URB1: variants seen among roughly 807,000 people sequenced by gnomAD.
The protein encoded by URB1 is URB1 ribosome biogenesis factor, also known as nucleolar pre-ribosomal-associated protein 1.
A neutral mutation model predicts 242.3 loss-of-function variants in URB1; 197 were observed. The observed-to-expected ratio is 0.81, with a 90% confidence interval of 0.72 to 0.91. URB1 has a LOEUF of 0.91. URB1 is among the 40% of genes least tolerant of loss of function. The probability of loss-of-function intolerance (pLI) is 0.00; values close to 1 mark genes in which losing one functional copy is unlikely to be tolerated. For missense variants in URB1, 2,721 were observed against 2,860.5 expected (o/e 0.95, Z 1.11); for synonymous variants, 1,153 against 1,201.8 (o/e 0.96, Z 0.84).
At chr21:32,339,246 G>A (rs1322584930) in intron 25 of URB1, among the ~76,000 whole-genome samples, 5 of 152,142 alleles carry the variant, frequency 3.3e-5, no homozygotes. Context: ...TGCCCACCTC[G>A]GCCTCCCAAA....
rs764897258 is a variant in URB1, at chr21:32,311,637, T to C, written c.*3281A>G. 4 of 1,603,346 alleles carry C rather than the reference T, an allele frequency of 2.5e-6. No individual in the cohort carries two copies. The highest frequency in any genetic ancestry group is 3.4e-6 in the Non-Finnish European group (4 of 1,174,932). On this transcript the variant is annotated 3_prime_UTR_variant, in exon 39 of 39. Coordinates refer to ENST00000382751, the MANE Select transcript of URB1 (RefSeq NM_014825.3). ...CCCCCCAGCCCCACAGTATGGACTG[T>C]TCTGCAGCAACTATGATGCCTGCCT...
Position 32,316,876 on chromosome 21 carries a change from G to C in URB1, c.6224C>G (p.Pro2075Arg), listed in dbSNP as rs1294139941. ...GGCTGAGTCCACAGGCTCCTGAGTG[G>C]GGTCAGGACCAGGGATCACTGGTCT... ...YWRPVIPGPDPTQEPVDSASP... is the reference protein window; with the variant it reads ...YWRPVIPGPDRTQEPVDSASP... Residue 2075 changes from proline to arginine, a missense_variant, in exon 38 of 39, where the codon CCC becomes CGC. Coordinates refer to ENST00000382751, the MANE Select transcript of URB1 (RefSeq NM_014825.3). The C allele has an allele frequency of 6.4e-7, 1 of 1,551,346 alleles. No individual in the cohort carries two copies. The highest frequency in any genetic ancestry group is 8.7e-7 in the Non-Finnish European group (1 of 1,146,874).
At chr21:32,319,932 TTG>T (rs2032744282) in intron 35 of URB1, among the ~76,000 whole-genome samples, 1 of 152,224 alleles carries the variant, frequency 6.6e-6, no homozygotes, top group Admixed American at 6.5e-5. Context: ...AGTTAGTTCT[TTG>T]TAAGACAGAG....
chr21:32,363,009 A>G (rs2033306013), intron 11 of URB1, 147 bp downstream of exon 11: 4 of 999,532 alleles, frequency 4.0e-6, no homozygotes, highest in Non-Finnish European at 1.4e-6. Context: ...GCTGACCCTC[A>G]GCACCCACGC....
chr21:32,347,304 G>A lies in URB1; in HGVS notation c.3520C>T (p.Leu1174Phe). The change falls in exon 22 of 39, where the codon CTC (leucine) becomes TTC (phenylalanine). Residue 1174 changes from leucine (L) to phenylalanine (F), a missense_variant. Transcript: ENST00000382751. ...CTCACATACTCGGAGGACCACAGGA[G>A]CTCACCACTCTGCAGCTGATCCTGG... ...SPQDQLQSGE[L>F]LWSSEYVRGL... 6.4e-7 allele frequency: 1 copy of A among 1,551,186 alleles called. No individual in the cohort carries two copies. The highest frequency in any genetic ancestry group is 8.7e-7 in the Non-Finnish European group (1 of 1,146,996).
At position 32,355,585 on chromosome 21, in the gene URB1, G is replaced by A. The variant is rs1393033941; in HGVS notation, c.1990-20C>T. On this transcript the variant is annotated intron_variant, in intron 15 of 38. Transcript: ENST00000382751. The stretch of plus-strand genomic sequence containing the variant: ...CAGAATCTGCCAGGAAGTAGGCACC[G>A]GTGAAAAAGTCAGAACAGAACGCGC... 16 of 1,538,906 alleles carry A rather than the reference G, an allele frequency of 1.0e-5. No homozygotes were observed. The highest frequency in any genetic ancestry group is 5.9e-5 in the Admixed American group (3 of 50,964).
At position 32,316,584 on chromosome 21, in the gene URB1, C is replaced by A. The variant is rs1237725852; in HGVS notation, c.6516G>T (p.Leu2172=). The A allele has an allele frequency of 1.9e-6, 3 of 1,551,326 alleles. No individual in the cohort carries two copies. Among genetic ancestry groups the A allele is most frequent in the Non-Finnish European group, 2.6e-6 (3 of 1,146,954 alleles). ...LAGPVQEVAC[L]FNTVMLQLVA... ...CCAGCTGCAGCATGACCGTATTGAA[C>A]AGGCAGGCCACCTCCTGCACAGGCC... Residue 2172 remains leucine (L), a synonymous_variant, in exon 38 of 39, where the codon CTG becomes CTT. Coordinates refer to ENST00000382751, the MANE Select transcript of URB1 (RefSeq NM_014825.3).
chr21:32,329,563 C>G (rs1568811370), intron 30 of URB1, among the ~76,000 whole-genome samples: 2 of 152,320 alleles, frequency 1.3e-5, no homozygotes, highest in East Asian at 3.9e-4. Context: ...GTGGAAAAAG[C>G]ATTTGTCACT....
intron 5 of URB1, among the ~76,000 whole-genome samples, chr21:32,376,546 C>T (rs1192378824): frequency 1.4e-5 from 2 of 138,998 alleles, no homozygotes; most frequent in Non-Finnish European, 3.3e-5. Flanking sequence ...ATTCATGCTA[C>T]TCTATTTGAG....
At chr21:32,354,544 T>C (rs1392271753) in intron 17 of URB1, among the ~76,000 whole-genome samples, 2 of 152,206 alleles carry the variant, frequency 1.3e-5, no homozygotes, top group Non-Finnish European at 2.9e-5. Flanking sequence ...AGCCGCTTTA[T>C]CTCTATATAA....
chr21:32,311,363 A>C lies in URB1; in HGVS notation c.*3555T>G. ...TTGGGCTATGGATATAAAATGAACT[A>C]CACTCAGATACAGCGCTGGATGGGA... On this transcript the variant is annotated 3_prime_UTR_variant, in exon 39 of 39. Coordinates refer to ENST00000382751, the MANE Select transcript of URB1 (RefSeq NM_014825.3). 1 of 369,416 alleles carries C rather than the reference A, an allele frequency of 2.7e-6. No homozygotes were observed. Among genetic ancestry groups the C allele is most frequent in the Non-Finnish European group, 5.0e-6 (1 of 201,942 alleles). The allele number at this position is 369,416 out of a possible 1,614,324, so 22.9% of individuals were successfully genotyped here.
In URB1 at chr21:32,312,184, T is replaced by A; in HGVS notation, c.*2734A>T. On this transcript the variant is annotated 3_prime_UTR_variant, in exon 39 of 39. Transcript: ENST00000382751. ...AGTGGCCCCTCGAGTGCAGAGGTCA[T>A]CCCAGGTGTTGCTGAGTTTATTGAG... is the stretch of plus-strand genomic sequence containing the variant. 6.7e-7 allele frequency: 1 copy of A among 1,499,446 alleles called. No homozygotes were observed. Among genetic ancestry groups the A allele is most frequent in the East Asian group, 2.5e-5 (1 of 40,542 alleles). The allele number at this position is 1,499,446 out of a possible 1,614,324, so 92.9% of individuals were successfully genotyped here.
At chr21:32,391,329 G>A (rs958185094) in intron 1 of URB1, among the ~76,000 whole-genome samples, 2 of 151,380 alleles carry the variant, frequency 1.3e-5, no homozygotes, top group Non-Finnish European at 2.9e-5. Context: ...GTAACAAAGG[G>A]GCACGTTGTG....
At chr21:32,347,967 C>A (rs28500645) in intron 21 of URB1, among the ~76,000 whole-genome samples, 156 bp from the exon 22 acceptor site, 24,837 of 152,242 alleles carry the variant, frequency 0.16, 2,562 homozygotes, top group African/African-American at 0.29. Flanking sequence ...TTCCATGCCC[C>A]CCTCGGGGTG....
chr21:32,318,342 C>A (rs1379813602), intron 36 of URB1, among the ~76,000 whole-genome samples: 1 of 152,106 alleles, frequency 6.6e-6, no homozygotes, highest in Non-Finnish European at 1.5e-5. Context: ...AACCTGATGA[C>A]CACCAGGAGG....
intron 13 of URB1, among the ~76,000 whole-genome samples, chr21:32,360,540 A>G (rs773346186): frequency 6.6e-6 from 1 of 152,242 alleles, no homozygotes; most frequent in Non-Finnish European, 1.5e-5. Flanking sequence ...GACAAACTTT[A>G]CCATCCAGGA....
At chr21:32,375,818 C>T (rs1392742316) in intron 5 of URB1, among the ~76,000 whole-genome samples, 2 of 151,908 alleles carry the variant, frequency 1.3e-5, no homozygotes, top group Non-Finnish European at 2.9e-5. Flanking sequence ...TGGTGGTGCG[C>T]ACCTGTAGTC....
intron 15 of URB1, among the ~76,000 whole-genome samples, chr21:32,356,032 A>G (rs1216644967): frequency 6.6e-6 from 1 of 152,210 alleles, no homozygotes; most frequent in Non-Finnish European, 1.5e-5. Context: ...GTCTTTCAAC[A>G]TAACATCCCC....
intron 2 of URB1, among the ~76,000 whole-genome samples, chr21:32,384,929 C>A (rs1423311485): frequency 6.6e-6 from 1 of 151,828 alleles, no homozygotes; most frequent in Non-Finnish European, 1.5e-5. Flanking sequence ...TGCAGTGAGC[C>A]GAGACTGCGC....
Sources: allele counts gnomAD v4.1 joint callset (sites outside exome capture counted in the v4.1 genomes callset), GRCh38; gene constraint gnomAD v4.1.1; transcripts MANE v1.5; gene names NCBI Gene and HGNC (gene_info 2026-07-23, HGNC 2026-07-21).